The following ANKRD44 variants were observed in gnomAD, a reference collection of about 807,000 sequenced individuals.
ANKRD44 encodes the protein serine/threonine-protein phosphatase 6 regulatory ankyrin repeat subunit B.
A neutral mutation model predicts 116.0 loss-of-function variants in ANKRD44; 35 were observed. The observed-to-expected ratio is 0.30, with a 90% CI of 0.23 to 0.40. The LOEUF is 0.40. Ranked by LOEUF, ANKRD44 falls within the 10% of genes least tolerant of loss-of-function variation. ANKRD44 has a pLI of 1.00. For synonymous variants in ANKRD44, 435 were observed against 461.8 expected, an observed-to-expected ratio of 0.94 and a Z score of 0.74; for missense variants, 1,014 against 1,242.6, an observed-to-expected ratio of 0.82 and a Z score of 2.77.
intron 16 of ANKRD44, among the ~76,000 whole-genome samples, chr2:197,040,418 C>T (rs1437922688): frequency 6.8e-6 from 1 of 146,268 alleles, no homozygotes; most frequent in Non-Finnish European, 1.5e-5. Context: ...ACTCTGTCAC[C>T]CAGGCTGGAG....
At chr2:197,009,083 CT>C in intron 18 of ANKRD44, 52 bp from the exon 19 acceptor site, 2 of 1,473,274 alleles carry the variant, frequency 1.4e-6, no homozygotes. Flanking sequence ...CTACACATAT[CT>C]CTTCCAAATG....
At chr2:197,277,964 AGAG>A (rs1483082069) in intron 1 of ANKRD44, among the ~76,000 whole-genome samples, 1 of 152,214 alleles carries the variant, frequency 6.6e-6, no homozygotes, top group African/African-American at 2.4e-5. Context: ...CAGCAAAATG[AGAG>A]GAGGCTCAGA....
intron 1 of ANKRD44, among the ~76,000 whole-genome samples, chr2:197,209,334 C>G (rs536183161): frequency 6.6e-6 from 1 of 152,302 alleles, no homozygotes; most frequent in Admixed American, 6.5e-5. Flanking sequence ...AAATCATTTA[C>G]CAGAGTAAAC....
At chr2:197,253,300 TGTCA>T (rs2082364145) in intron 1 of ANKRD44, among the ~76,000 whole-genome samples, 1 of 152,180 alleles carries the variant, frequency 6.6e-6, no homozygotes, top group African/African-American at 2.4e-5. Flanking sequence ...TTCTTCTCAC[TGTCA>T]GTTAGGAGAC....
intron 2 of ANKRD44, among the ~76,000 whole-genome samples, chr2:197,156,325 G>A (rs757548386): frequency 1.1e-4 from 16 of 150,236 alleles, no homozygotes; most frequent in South Asian, 2.1e-4. Context: ...CATCCTGGGC[G>A]ACAGAGCGAG....
At chr2:197,226,194 T>C (rs1383583009) in intron 1 of ANKRD44, among the ~76,000 whole-genome samples, 2 of 152,238 alleles carry the variant, frequency 1.3e-5, no homozygotes, top group Non-Finnish European at 2.9e-5. Flanking sequence ...TATTTTAAAA[T>C]AGAATGTTAG....
intron 1 of ANKRD44, among the ~76,000 whole-genome samples, chr2:197,224,062 T>A (rs1324048841): frequency 6.6e-6 from 1 of 152,204 alleles, no homozygotes. Flanking sequence ...TCTGAGGGGC[T>A]GGTTACATCT....
At chr2:197,029,252 A>T in intron 16 of ANKRD44, 1 of 193,328 alleles carries the variant, frequency 5.2e-6, no homozygotes. Flanking sequence ...TCCTTCTGAC[A>T]GTTTGAGCTT....
chr2:197,039,142 C>A (rs1296621420), intron 16 of ANKRD44, among the ~76,000 whole-genome samples: 1 of 152,188 alleles, frequency 6.6e-6, no homozygotes, highest in Non-Finnish European at 1.5e-5. Flanking sequence ...GGTGCCAATA[C>A]TTTCCTATAA....
intron 1 of ANKRD44, among the ~76,000 whole-genome samples, chr2:197,255,191 A>C (rs1032457814): frequency 6.6e-6 from 1 of 152,178 alleles, no homozygotes. Context: ...TGAAGAAGAC[A>C]CTCAGAGAGA....
chr2:197,230,884 T>C (rs2081843858), intron 1 of ANKRD44, among the ~76,000 whole-genome samples: 1 of 151,908 alleles, frequency 6.6e-6, no homozygotes, highest in Admixed American at 6.6e-5. Context: ...ACATGAGAGA[T>C]TTCATGAAGG....
At chr2:197,238,741 G>A (rs1050031770) in intron 1 of ANKRD44, among the ~76,000 whole-genome samples, 1 of 151,410 alleles carries the variant, frequency 6.6e-6, no homozygotes, top group African/African-American at 2.4e-5. Flanking sequence ...GTCTCACTCT[G>A]TCACCCAGGC....
Position 197,091,145 on chromosome 2 carries a change from C to G in ANKRD44, c.1101-1113G>C, listed in dbSNP as rs543923013. Among the ~76,000 whole-genome samples the G allele has an allele frequency of 4.6e-5, 7 of 152,342 alleles. No individual in the cohort carries two copies. The East Asian group carries it at 1.2e-3, about 25-fold the overall frequency. On this transcript the variant is annotated intron_variant, in intron 10 of 27. Transcript: ENST00000282272. ...TGTTAACATTTAAGCCAACCGTGGA[C>G]GGCAGACATCAAAGCGCACTGTAAC...
At chr2:197,040,376 C>CTTTTT (rs56405646) in intron 16 of ANKRD44, among the ~76,000 whole-genome samples, 2 of 122,690 alleles carry the variant, frequency 1.6e-5, no homozygotes, top group Non-Finnish European at 3.3e-5. Context: ...GGAGGTAAGC[C>CTTTTT]TTTTTTTTTT....
chr2:197,168,125 G>A (rs148715390), intron 2 of ANKRD44, among the ~76,000 whole-genome samples: 428 of 152,268 alleles, frequency 2.8e-3, no homozygotes, highest in East Asian at 0.016. Flanking sequence ...ATCAGCCACC[G>A]GACATGTGAG....
At chr2:196,974,706 A>G (rs577072265) in intron 21 of ANKRD44, among the ~76,000 whole-genome samples, 4 of 152,102 alleles carry the variant, frequency 2.6e-5, no homozygotes, top group Non-Finnish European at 5.9e-5. Context: ...CCTGGCCAAC[A>G]TGTTGAAACC....
chr2:197,193,651 G>C (rs1203078686), intron 1 of ANKRD44, among the ~76,000 whole-genome samples: 2 of 152,116 alleles, frequency 1.3e-5, no homozygotes, highest in Non-Finnish European at 2.9e-5. Flanking sequence ...AGGCCGAGGA[G>C]GGTGGATCAC....
chr2:197,281,158 T>C (rs1278674273), intron 1 of ANKRD44, among the ~76,000 whole-genome samples: 1 of 152,184 alleles, frequency 6.6e-6, no homozygotes, highest in African/African-American at 2.4e-5. Flanking sequence ...TCTATTAATG[T>C]CAGTAGGTAT....
intron 3 of ANKRD44, among the ~76,000 whole-genome samples, chr2:197,141,345 C>A (rs1305686817): frequency 1.3e-5 from 2 of 152,172 alleles, no homozygotes; most frequent in African/African-American, 4.8e-5. Context: ...AATTCATTTT[C>A]TGAGAATTAC....
Sources: gnomAD v4.1 joint callset for allele counts (sites outside exome capture counted in the v4.1 genomes callset) on GRCh38, gnomAD v4.1.1 for gene constraint, MANE v1.5 for transcripts, NCBI Gene and HGNC (gene_info 2026-07-23, HGNC 2026-07-21) for gene names.